The following ANKAR variants were observed in gnomAD, a reference collection of about 807,000 sequenced individuals.
The protein encoded by ANKAR is ankyrin and armadillo repeat-containing protein.
Under a neutral mutation model 146.2 loss-of-function variants are expected in ANKAR, and 136 were observed. That is an observed-to-expected ratio of 0.93 (90% CI 0.81 to 1.07). The LOEUF (loss-of-function observed/expected upper bound fraction) is 1.07. ANKAR is among the 50% of genes least tolerant of loss of function. The probability of loss-of-function intolerance (pLI) is 0.00; values close to 1 mark genes in which losing one functional copy is unlikely to be tolerated. For synonymous variants in ANKAR, 500 were observed against 575.8 expected (o/e 0.87, Z 1.88); for missense variants, 1,567 against 1,679.9 (o/e 0.93, Z 1.18).
intron 7 of ANKAR, among the ~76,000 whole-genome samples, chr2:189,703,198 G>A (rs1192381694): frequency 6.6e-6 from 1 of 152,158 alleles, no homozygotes; most frequent in Non-Finnish European, 1.5e-5. Context: ...ATAATCAGAT[G>A]GCCTTGAGAA....
downstream of ANKAR, chr2:189,762,703 T>C: frequency 2.0e-6 from 2 of 985,360 alleles, no homozygotes; most frequent in Non-Finnish European, 2.4e-6. Flanking sequence ...TGGGCGGCAG[T>C]AGCTAGCACT....
At chr2:189,710,366 A>C (rs1415125034) in intron 9 of ANKAR, among the ~76,000 whole-genome samples, 1 of 152,204 alleles carries the variant, frequency 6.6e-6, no homozygotes, top group Non-Finnish European at 1.5e-5. Flanking sequence ...TTTTATTGAC[A>C]ATACTGTGGA....
At chr2:189,750,553 T>C, downstream of ANKAR, 2 of 1,315,772 alleles carry the variant, frequency 1.5e-6, no homozygotes, top group Non-Finnish European at 2.2e-6. Flanking sequence ...ATACTACCTT[T>C]AGGGACTTTT....
At chr2:189,731,376 C>CTTTTTTTT (rs71023714) in intron 16 of ANKAR, among the ~76,000 whole-genome samples, 6 of 137,378 alleles carry the variant, frequency 4.4e-5, no homozygotes, top group East Asian at 2.1e-4. Flanking sequence ...TTTCTTTTTT[C>CTTTTTTTT]TTTTTTTTTT....
chr2:189,725,907 C>CA (rs769635093), intron 12 of ANKAR, among the ~76,000 whole-genome samples: 1 of 151,014 alleles, frequency 6.6e-6, no homozygotes, highest in Non-Finnish European at 1.5e-5. Context: ...GACCTTGTCT[C>CA]AAAAAAGAAA....
intron 17 of ANKAR, among the ~76,000 whole-genome samples, chr2:189,737,318 C>T (rs187592991): frequency 1.7e-3 from 252 of 152,136 alleles, no homozygotes; most frequent in African/African-American, 5.7e-3. Context: ...GCTGTTTGCC[C>T]AGCCTCAGAA....
At chr2:189,703,768 T>C (rs557000688) in intron 7 of ANKAR, among the ~76,000 whole-genome samples, 1 of 152,072 alleles carries the variant, frequency 6.6e-6, no homozygotes, top group Non-Finnish European at 1.5e-5. Context: ...TGGACAAAAA[T>C]TGGGAGTGTG....
At chr2:189,742,902 CCTGACACACACACA>C (rs1559147504) in intron 20 of ANKAR, among the ~76,000 whole-genome samples, 5 of 22,226 alleles carry the variant, frequency 2.2e-4, no homozygotes, top group Non-Finnish European at 2.9e-4. Context: ...ACTAGAATTA[CCTGACACACACACA>C]CACACACACA....
chr2:189,751,052 T>G (rs1211457722), downstream of ANKAR, among the ~76,000 whole-genome samples: 3 of 152,202 alleles, frequency 2.0e-5, no homozygotes, highest in Non-Finnish European at 4.4e-5. Context: ...GTCCTAGGTT[T>G]CTATAGGTTC....
intron 18 of ANKAR, chr2:189,754,479 A>G: frequency 1.3e-6 from 1 of 792,364 alleles, no homozygotes; most frequent in Non-Finnish European, 1.9e-6. Flanking sequence ...ACTTTGGCAA[A>G]TATAGACTAT....
intron 2 of ANKAR, among the ~76,000 whole-genome samples, chr2:189,678,893 G>A (rs759842884): frequency 1.3e-5 from 2 of 152,124 alleles, no homozygotes; most frequent in Admixed American, 6.5e-5. Flanking sequence ...GCTTAGTCTT[G>A]CTTTAGCTAT....
chr2:189,684,527 A>C (rs1481976584), intron 2 of ANKAR, among the ~76,000 whole-genome samples: 1 of 152,118 alleles, frequency 6.6e-6, no homozygotes, highest in Non-Finnish European at 1.5e-5. Context: ...GTAAACTTTC[A>C]ATACATATAG....
intron 2 of ANKAR, among the ~76,000 whole-genome samples, chr2:189,679,140 C>T (rs2034236503): frequency 6.6e-6 from 1 of 152,078 alleles, no homozygotes; most frequent in Non-Finnish European, 1.5e-5. Flanking sequence ...AATTATTCAC[C>T]TCCTTGATTA....
Position 189,711,149 on chromosome 2 carries a change from T to G in ANKAR, c.2220T>G (p.Asp740Glu), listed in dbSNP as rs1349682423. Residue 740 changes from aspartate to glutamate, a missense_variant, in exon 10 of 23, where the codon GAT (aspartate) becomes GAG (glutamate). Physicochemically the swap from Asp to Glu is conservative, Grantham distance 45. Coordinates refer to ENST00000684021, the MANE Select transcript of ANKAR (RefSeq NM_001378068.1). Reference protein sequence around the residue: ...ANDQYWRCILDAGTIPALINL... With the variant: ...ANDQYWRCILEAGTIPALINL... ...ATCAATACTGGAGATGTATTTTGGA[T>G]GCAGGTGATGCAAACTCTATTAATA... 17 of 1,608,510 alleles carry G rather than the reference T, an allele frequency of 1.1e-5. No individual in the cohort carries two copies. The highest frequency in any genetic ancestry group is 2.7e-5 in the African/African-American group (2 of 74,810).
intron 7 of ANKAR, among the ~76,000 whole-genome samples, chr2:189,704,079 T>C (rs1295951357): frequency 6.6e-6 from 1 of 152,120 alleles, no homozygotes; most frequent in Non-Finnish European, 1.5e-5. Context: ...TTTGGCAATA[T>C]ATATTACCAG....
intron 18 of ANKAR, among the ~76,000 whole-genome samples, chr2:189,757,088 T>C (rs1162568086): frequency 6.6e-6 from 1 of 152,200 alleles, no homozygotes; most frequent in African/African-American, 2.4e-5. Context: ...TTTTTGTCTA[T>C]GATTTGTAGA....
At chr2:189,692,465 T>C (rs769990531) in intron 4 of ANKAR, 47 bp downstream of exon 4, 3 of 1,543,868 alleles carry the variant, frequency 1.9e-6, no homozygotes, top group South Asian at 2.5e-5. Context: ...ACAACTCTTT[T>C]ATCCTATTCT....
At position 189,674,747 on chromosome 2, in the gene ANKAR, G is replaced by T. The variant is rs2105699965; in HGVS notation, c.-119G>T. On this transcript the variant is annotated 5_prime_UTR_variant, in exon 1 of 23. Coordinates refer to ENST00000684021, the MANE Select transcript of ANKAR (RefSeq NM_001378068.1). ...TTCAAGGCCCCGCGAGAAGCCATCT[G>T]AGGCGGCGACGACTGTTCTCAGCCC... The T allele has an allele frequency of 6.6e-6, 1 of 152,438 alleles. No individual in the cohort carries two copies. The highest frequency in any genetic ancestry group is 1.9e-4 in the East Asian group (1 of 5,178). The allele number at this position is 152,438 out of a possible 1,614,324, so 9.4% of individuals were successfully genotyped here. A position where few individuals can be genotyped will look rare whatever the true frequency, so the allele number is the denominator to read the frequency against.
rs1428595570 is a variant in ANKAR, at chr2:189,693,059, T to C, written c.1204-15T>C. 7.7e-7 allele frequency: 1 copy of C among 1,293,778 alleles called. No homozygotes were observed. Among genetic ancestry groups the C allele is most frequent in the Admixed American group, 2.2e-5 (1 of 44,918 alleles). The allele number at this position is 1,293,778 out of a possible 1,614,324, so 80.1% of individuals were successfully genotyped here. The stretch of plus-strand genomic sequence containing the variant: ...GTCTAAGGATATGTCTTTAGTAACA[T>C]AACTCATATTTTAGAAAAATTTAGA... On this transcript the variant is annotated splice_polypyrimidine_tract_variant and intron_variant, in intron 4 of 22. Coordinates refer to ENST00000684021, the MANE Select transcript of ANKAR (RefSeq NM_001378068.1).
Sources: allele counts gnomAD v4.1 joint callset (sites outside exome capture counted in the v4.1 genomes callset), GRCh38; gene constraint gnomAD v4.1.1; transcripts MANE v1.5; gene names NCBI Gene and HGNC (gene_info 2026-07-23, HGNC 2026-07-21).